Variants in LRRC49 observed in about 807,000 individuals in gnomAD.
The protein encoded by LRRC49 is leucine-rich repeat-containing protein 49.
Under a neutral mutation model 83.3 loss-of-function variants are expected in LRRC49, and 50 were observed. The ratio of observed to expected loss-of-function variants is 0.60; its 90% confidence interval spans 0.48 to 0.76. The LOEUF (loss-of-function observed/expected upper bound fraction) is 0.76. LRRC49 is among the 30% of genes least tolerant of loss of function. The pLI is 0.00. For missense variants in LRRC49, 704 were observed against 809.1 expected (o/e 0.87, Z 1.58); for synonymous variants, 286 against 283.3 (o/e 1.01, Z -0.10).
intron 15 of LRRC49, among the ~76,000 whole-genome samples, chr15:71,043,503 C>G (rs2141307643): frequency 6.6e-6 from 1 of 152,296 alleles, no homozygotes; most frequent in African/African-American, 2.4e-5. Flanking sequence ...GCAACAACTC[C>G]TTGACAGGTC....
intron 14 of LRRC49, among the ~76,000 whole-genome samples, chr15:71,022,725 A>G (rs1287304381): frequency 1.3e-5 from 2 of 152,214 alleles, no homozygotes; most frequent in Non-Finnish European, 1.5e-5. Flanking sequence ...CAAATCCACA[A>G]TTACAATTAG....
Position 70,904,735 on chromosome 15 carries a change from C to T in LRRC49, c.480C>T (p.Val160=). The stretch of plus-strand genomic sequence containing the variant: ...TTTCGACTCTGAGATGTCTTCGTGT[C>T]CTTCTGTTGGGGAAAAACAGGTATT... ...SGLSTLRCLR[V]LLLGKNRIKK... is the part of the protein sequence containing the mutation. The change falls in exon 5 of 16, where the codon GTC becomes GTT. Residue 160 remains valine, a synonymous_variant. Transcript: ENST00000260382. 6.2e-7 allele frequency: 1 copy of T among 1,612,218 alleles called. No homozygotes were observed. Among genetic ancestry groups the T allele is most frequent in the Non-Finnish European group, 8.5e-7 (1 of 1,178,902 alleles).
intron 14 of LRRC49, among the ~76,000 whole-genome samples, chr15:71,024,894 C>T (rs2039112324): frequency 6.6e-6 from 1 of 152,030 alleles, no homozygotes; most frequent in Non-Finnish European, 1.5e-5. Flanking sequence ...AAGAACTTCA[C>T]AATGCAACCA....
chr15:71,002,400 C>T (rs987045929), intron 11 of LRRC49, among the ~76,000 whole-genome samples: 4 of 152,092 alleles, frequency 2.6e-5, no homozygotes, highest in Non-Finnish European at 5.9e-5. Flanking sequence ...TAAAACTTTG[C>T]TATATCCCAC....
intron 15 of LRRC49, among the ~76,000 whole-genome samples, chr15:71,043,369 T>C (rs2039755650): frequency 6.6e-6 from 1 of 152,220 alleles, no homozygotes; most frequent in Non-Finnish European, 1.5e-5. Flanking sequence ...ATATTGTATA[T>C]AGTTTATCTC....
intron 2 of LRRC49, among the ~76,000 whole-genome samples, chr15:70,879,776 A>G (rs781168924): frequency 9.2e-5 from 14 of 152,186 alleles, no homozygotes; most frequent in Non-Finnish European, 2.1e-4. Context: ...CCCACAGAGG[A>G]ATATTTTTGA....
chr15:70,871,037 C>T (rs548980285), intron 1 of LRRC49, among the ~76,000 whole-genome samples: 3 of 149,076 alleles, frequency 2.0e-5, no homozygotes, highest in Non-Finnish European at 4.4e-5. Context: ...AATAGTGGAG[C>T]GAAGGTCAGC....
chr15:70,972,405 C>T (rs955400711), intron 9 of LRRC49, among the ~76,000 whole-genome samples: 1 of 152,190 alleles, frequency 6.6e-6, no homozygotes, highest in Non-Finnish European at 1.5e-5. Context: ...TTCTCTCTGG[C>T]TGTGCTTAAC....
intron 11 of LRRC49, among the ~76,000 whole-genome samples, chr15:71,004,647 TAAA>T (rs35055682): frequency 5.7e-5 from 7 of 121,868 alleles, no homozygotes; most frequent in African/African-American, 6.2e-5. Context: ...GAAACTGTGT[TAAA>T]AAAAAAAAAA....
chr15:71,010,807 AG>A (rs985167414), intron 13 of LRRC49, among the ~76,000 whole-genome samples: 3 of 151,972 alleles, frequency 2.0e-5, no homozygotes. Context: ...ACTCCTCCAG[AG>A]GAAAAAAAAA....
intron 8 of LRRC49, among the ~76,000 whole-genome samples, chr15:70,962,636 G>A (rs2036643625): frequency 6.6e-6 from 1 of 151,968 alleles, no homozygotes; most frequent in Non-Finnish European, 1.5e-5. Flanking sequence ...AATCCACATC[G>A]ATGGGAACCA....
intron 3 of LRRC49, among the ~76,000 whole-genome samples, chr15:70,896,957 T>G (rs2033866073): frequency 6.6e-6 from 1 of 152,192 alleles, no homozygotes; most frequent in Non-Finnish European, 1.5e-5. Context: ...TGTCTTTGCC[T>G]TATTTGATTC....
At chr15:70,886,757 T>G (rs2033419258) in intron 2 of LRRC49, among the ~76,000 whole-genome samples, 1 of 151,938 alleles carries the variant, frequency 6.6e-6, no homozygotes. Context: ...TCCCAGCTAC[T>G]CGGGAGGCTG....
chr15:70,956,716 T>A lies in LRRC49; in HGVS notation c.774-7069T>A, dbSNP rs558095483. Among the ~76,000 whole-genome samples, 22 of 152,292 alleles carry A rather than the reference T, an allele frequency of 1.4e-4. 1 individual carries two copies. Among genetic ancestry groups the A allele is most frequent in the African/African-American group, 4.6e-4 (19 of 41,554 alleles). On this transcript the variant is annotated intron_variant, in intron 8 of 15. Transcript: ENST00000260382. ...AGAGAATGTCTTTAAAATCATATGG[T>A]CTTTGTCAGTGAACTTCTAGGAATG... is the stretch of plus-strand genomic sequence containing the variant.
At chr15:71,045,641 A>AT (rs1237564629) in intron 15 of LRRC49, among the ~76,000 whole-genome samples, 2 of 151,952 alleles carry the variant, frequency 1.3e-5, no homozygotes, top group African/African-American at 4.8e-5. Context: ...AAAAAATTTT[A>AT]TTTTTTTCAC....
chr15:71,025,931 C>A (rs1170011189), intron 14 of LRRC49, among the ~76,000 whole-genome samples: 1 of 152,142 alleles, frequency 6.6e-6, no homozygotes, highest in African/African-American at 2.4e-5. Flanking sequence ...TAGTGAGAGA[C>A]TTTAACACCC....
chr15:70,873,673 T>TG (rs1318234812), intron 2 of LRRC49, among the ~76,000 whole-genome samples: 2 of 152,172 alleles, frequency 1.3e-5, no homozygotes, highest in Non-Finnish European at 1.5e-5. Context: ...CTTCTCCACA[T>TG]GGAGTCTCCT....
intron 6 of LRRC49, among the ~76,000 whole-genome samples, chr15:70,916,927 C>A (rs926484677): frequency 6.6e-5 from 10 of 152,202 alleles, no homozygotes; most frequent in African/African-American, 2.2e-4. Flanking sequence ...AAAGTACCCC[C>A]CAACCCTCAC....
chr15:70,971,797 C>CTTTTTTT (rs56230666), intron 9 of LRRC49, among the ~76,000 whole-genome samples: 1 of 82,268 alleles, frequency 1.2e-5, no homozygotes, highest in African/African-American at 4.9e-5. Flanking sequence ...GTAACCACTC[C>CTTTTTTT]TTTTTTTTTT....
Sources: gnomAD v4.1 joint callset for allele counts (sites outside exome capture counted in the v4.1 genomes callset) on GRCh38, gnomAD v4.1.1 for gene constraint, MANE v1.5 for transcripts, NCBI Gene and HGNC (gene_info 2026-07-23, HGNC 2026-07-21) for gene names.